The following SHC4 variants were observed in gnomAD, a reference collection of about 807,000 sequenced individuals.
SHC4 encodes SHC-transforming protein 4.
In SHC4, 41 loss-of-function variants were observed where a neutral mutation model predicts 69.4. That is an observed-to-expected ratio of 0.59 (90% CI 0.46 to 0.77). SHC4 has a LOEUF of 0.77. Among genes scored for constraint, SHC4 ranks in the 30% least tolerant of loss-of-function variants. The pLI is 0.00. For missense variants in SHC4, 777 were observed against 783.8 expected (o/e 0.99, Z 0.10); for synonymous variants, 318 against 299.3 (o/e 1.06, Z -0.64).
In SHC4 at chr15:48,842,409, C is replaced by T. The variant is rs542850270; in HGVS notation, c.1483+1000G>A. 4.6e-5 allele frequency among the ~76,000 whole-genome samples: 7 copies of T among 152,204 alleles called. No individual in the cohort carries two copies. In the East Asian group the frequency reaches 9.6e-4, roughly 21 times the overall value. ...GACAGCCCTACTTTCAGCAAAAGTA[C>T]GTAGTAGAAATCAAAAGTTCGAAGT... On this transcript the variant is annotated intron_variant, in intron 10 of 11. Transcript: ENST00000332408.
chr15:48,891,303 A>G (rs1045964660), intron 2 of SHC4, among the ~76,000 whole-genome samples: 1 of 152,224 alleles, frequency 6.6e-6, no homozygotes, highest in Non-Finnish European at 1.5e-5. Context: ...GGTGGTCTCA[A>G]ATGGAGTTTT....
intron 8 of SHC4, among the ~76,000 whole-genome samples, chr15:48,854,586 G>C (rs2140981781): frequency 6.6e-6 from 1 of 152,286 alleles, no homozygotes; most frequent in African/African-American, 2.4e-5. Flanking sequence ...ATCAATGGTG[G>C]ATTGGATAAA....
At chr15:48,932,428 G>T (rs375262679) in intron 1 of SHC4, among the ~76,000 whole-genome samples, 1 of 152,160 alleles carries the variant, frequency 6.6e-6, no homozygotes, top group Non-Finnish European at 1.5e-5. Flanking sequence ...TTCAGGAAAA[G>T]ATCCAGCTTT....
chr15:48,928,141 G>A (rs1900889872), intron 1 of SHC4, among the ~76,000 whole-genome samples: 1 of 148,596 alleles, frequency 6.7e-6, no homozygotes, highest in African/African-American at 2.5e-5. Flanking sequence ...AGAGCACCCA[G>A]GACTCAGCCT....
chr15:48,957,016 C>T (rs1436792403), intron 1 of SHC4, among the ~76,000 whole-genome samples: 3 of 128,072 alleles, frequency 2.3e-5, no homozygotes, highest in Non-Finnish European at 3.1e-5. Context: ...CTTGCTCTGT[C>T]GCCCAGGCTG....
At chr15:48,947,246 T>C (rs1180542318) in intron 1 of SHC4, 7 of 152,234 alleles carry the variant, frequency 4.6e-5, no homozygotes, top group African/African-American at 1.7e-4. Context: ...CCAGCACCTC[T>C]GGGTCTTGTC....
chr15:48,836,155 T>C (rs1297595463), intron 10 of SHC4, among the ~76,000 whole-genome samples: 1 of 151,784 alleles, frequency 6.6e-6, no homozygotes, highest in African/African-American at 2.4e-5. Flanking sequence ...ATCGCGCCAC[T>C]GCACTCCAGC....
chr15:48,866,247 T>C (rs1184720397), intron 6 of SHC4, among the ~76,000 whole-genome samples: 1 of 152,130 alleles, frequency 6.6e-6, no homozygotes, highest in African/African-American at 2.4e-5. Context: ...GTTCCTACAT[T>C]CCCACTGCCC....
At chr15:48,948,078 G>C (rs1392636386) in intron 1 of SHC4, 1 of 152,206 alleles carries the variant, frequency 6.6e-6, no homozygotes, top group Non-Finnish European at 1.5e-5. Flanking sequence ...CAGGGTCTTG[G>C]ATAGGATTCT....
At chr15:48,883,169 T>C (rs1340843312) in intron 4 of SHC4, among the ~76,000 whole-genome samples, 1 of 152,214 alleles carries the variant, frequency 6.6e-6, no homozygotes, top group Non-Finnish European at 1.5e-5. Flanking sequence ...TGAAAAGGTC[T>C]CTGAGAATAT....
intron 4 of SHC4, among the ~76,000 whole-genome samples, chr15:48,881,551 A>G (rs1394306490): frequency 6.6e-6 from 1 of 152,160 alleles, no homozygotes; most frequent in Non-Finnish European, 1.5e-5. Context: ...TGGCCTCTAA[A>G]TATCTCAAGT....
chr15:48,864,876 A>C lies in SHC4; in HGVS notation c.946+2942T>G, dbSNP rs1348070182. Among the ~76,000 whole-genome samples the C allele has an allele frequency of 4.6e-5, 7 of 152,332 alleles. No homozygotes were observed. The South Asian group carries it at 1.5e-3, about 32-fold the overall frequency. On this transcript the variant is annotated intron_variant, in intron 6 of 11. Coordinates refer to ENST00000332408, the MANE Select transcript of SHC4 (RefSeq NM_203349.4). ...TCCAGTGACCTCCTGGCCAGTATTC[A>C]AAGTCCCCCCACAATCTGTCTCTGG...
chr15:48,907,840 G>GTGTGTATA lies in SHC4; in HGVS notation c.657-17030_657-17029insTATACACA, dbSNP rs763689321. Among the ~76,000 whole-genome samples the GTGTGTATA allele has an allele frequency of 3.7e-4, 52 of 142,228 alleles. 1 individual carries two copies. The East Asian group carries it at 5.7e-3, about 16-fold the overall frequency. The allele number at this position is 142,228 out of a possible 152,430, so 93.3% of individuals were successfully genotyped here. ...TGTGTGTGTGTGTGTGTGTGTGTGT[G>GTGTGTATA]TATATATATATATATGTATATGTAT... On this transcript the variant is annotated intron_variant, in intron 2 of 11. Coordinates refer to ENST00000332408, the MANE Select transcript of SHC4 (RefSeq NM_203349.4).
chr15:48,832,698 G>C (rs573968286), intron 11 of SHC4, among the ~76,000 whole-genome samples: 1 of 152,098 alleles, frequency 6.6e-6, no homozygotes, highest in South Asian at 2.1e-4. Context: ...GCTTGATGGT[G>C]TATCACAAAT....
intron 2 of SHC4, among the ~76,000 whole-genome samples, chr15:48,906,011 C>T (rs920219389): frequency 6.6e-6 from 1 of 152,216 alleles, no homozygotes; most frequent in South Asian, 2.1e-4. Context: ...CATTCCTGAC[C>T]AAGGACTCCT....
chr15:48,854,717 A>T (rs1483617730), intron 8 of SHC4, among the ~76,000 whole-genome samples: 7 of 152,218 alleles, frequency 4.6e-5, no homozygotes, highest in Non-Finnish European at 5.9e-5. Flanking sequence ...TGACACAGGA[A>T]CAGAAAACCA....
At chr15:48,893,752 C>G (rs1214733851) in intron 2 of SHC4, among the ~76,000 whole-genome samples, 1 of 152,148 alleles carries the variant, frequency 6.6e-6, no homozygotes, top group Non-Finnish European at 1.5e-5. Context: ...TATCCATTGC[C>G]AGGGGCCTTG....
At chr15:48,900,570 T>G (rs1227620500) in intron 2 of SHC4, among the ~76,000 whole-genome samples, 4 of 151,758 alleles carry the variant, frequency 2.6e-5, no homozygotes, top group Admixed American at 2.0e-4. Flanking sequence ...ATGGAGGTCC[T>G]GAACATCTTT....
intron 10 of SHC4, among the ~76,000 whole-genome samples, chr15:48,838,187 G>T (rs1160249221): frequency 6.6e-6 from 1 of 152,136 alleles, no homozygotes; most frequent in Non-Finnish European, 1.5e-5. Context: ...AAATAAGGAG[G>T]TATACAAGGG....
Sources: allele counts gnomAD v4.1 joint callset (sites outside exome capture counted in the v4.1 genomes callset), GRCh38; gene constraint gnomAD v4.1.1; transcripts MANE v1.5; gene names NCBI Gene and HGNC (gene_info 2026-07-23, HGNC 2026-07-21).